Variants in DCUN1D4 observed in about 807,000 individuals in gnomAD.
DCUN1D4 encodes DCN1-like protein 4.
In DCUN1D4, 22 loss-of-function variants were observed where a neutral mutation model predicts 47.9. The ratio of observed to expected loss-of-function variants is 0.46; its 90% CI spans 0.33 to 0.66. The LOEUF is 0.66. Among genes scored for constraint, DCUN1D4 ranks in the 30% least tolerant of loss-of-function variants. The pLI is 0.02. For missense variants in DCUN1D4, 301 were observed against 340.8 expected (o/e 0.88, Z 0.92); for synonymous variants, 121 against 112.2 (o/e 1.08, Z -0.50).
At chr4:51,871,287 A>T (rs1469554068) in intron 3 of DCUN1D4, among the ~76,000 whole-genome samples, 2 of 152,244 alleles carry the variant, frequency 1.3e-5, no homozygotes, top group Non-Finnish European at 2.9e-5. Flanking sequence ...GCATTTATCA[A>T]TAAGAAAGAA....
Position 51,899,467 on chromosome 4 carries a change from CA to C in DCUN1D4, c.615+96del, listed in dbSNP as rs1368203254. On this transcript the variant is annotated intron_variant, in intron 8 of 10. Transcript: ENST00000334635. ...TGAGGTTAGTTTTTACATGCCACAG[CA>C]AAAAAACTTGAATAAGTTAACTCCC... 6 of 1,482,070 alleles carry C rather than the reference CA, an allele frequency of 4.0e-6. No homozygotes were observed. The Admixed American group carries it at 1.6e-4, about 38-fold the overall frequency. 91.8% of individuals were successfully genotyped at this position (1,482,070 alleles called of 1,614,324 possible).
chr4:51,911,620 A>T (rs1354835022), intron 9 of DCUN1D4, among the ~76,000 whole-genome samples: 2 of 152,218 alleles, frequency 1.3e-5, no homozygotes, highest in Non-Finnish European at 2.9e-5. Context: ...GTCACCAAGT[A>T]ACTTGAGGAC....
At chr4:51,848,451 C>T (rs578113378) in intron 1 of DCUN1D4, 1 of 945,472 alleles carries the variant, frequency 1.1e-6, no homozygotes, top group Non-Finnish European at 1.3e-6. Flanking sequence ...GGATTTATTT[C>T]TTAAGTTAAC....
At chr4:51,870,948 C>A (rs985569530) in intron 3 of DCUN1D4, among the ~76,000 whole-genome samples, 1 of 151,778 alleles carries the variant, frequency 6.6e-6, no homozygotes, top group Non-Finnish European at 1.5e-5. Context: ...GGTCCTAAGT[C>A]AATTCCCTTC....
At chr4:51,839,474 G>A (rs920800777), upstream of DCUN1D4, among the ~76,000 whole-genome samples, 1 of 152,170 alleles carries the variant, frequency 6.6e-6, no homozygotes, top group African/African-American at 2.4e-5. Context: ...TTAGAGTAGT[G>A]CCCGTCACAT....
At chr4:51,905,979 G>C (rs1732831935) in intron 8 of DCUN1D4, among the ~76,000 whole-genome samples, 1 of 152,126 alleles carries the variant, frequency 6.6e-6, no homozygotes, top group African/African-American at 2.4e-5. Context: ...CTGCTAGAGA[G>C]GGAGAGAAAG....
chr4:51,910,583 T>C (rs556120714), intron 8 of DCUN1D4, among the ~76,000 whole-genome samples: 1 of 152,310 alleles, frequency 6.6e-6, no homozygotes, highest in East Asian at 1.9e-4. Context: ...CCAGCATGTT[T>C]AGGTTCAAGA....
intron 9 of DCUN1D4, 33 bp from the exon 10 acceptor site, chr4:51,913,257 G>C: frequency 7.5e-7 from 1 of 1,331,898 alleles, no homozygotes; most frequent in Non-Finnish European, 1.1e-6. Context: ...CATTTTAAGT[G>C]TCAGTAATTC....
At chr4:51,890,523 A>G (rs1361151198) in intron 6 of DCUN1D4, among the ~76,000 whole-genome samples, 1 of 152,144 alleles carries the variant, frequency 6.6e-6, no homozygotes, top group African/African-American at 2.4e-5. Context: ...CCTGATCCCT[A>G]ATTTAGGAGT....
chr4:51,848,906 C>G (rs1184035253), intron 1 of DCUN1D4, among the ~76,000 whole-genome samples: 2 of 152,208 alleles, frequency 1.3e-5, no homozygotes, highest in East Asian at 3.9e-4. Flanking sequence ...CTTCAAATAG[C>G]ATTACCTGTG....
At chr4:51,911,755 G>T (rs778593243) in intron 9 of DCUN1D4, among the ~76,000 whole-genome samples, 3 of 152,122 alleles carry the variant, frequency 2.0e-5, no homozygotes, top group Non-Finnish European at 2.9e-5. Context: ...AAGTATTGAT[G>T]ATCAGAAATT....
At chr4:51,913,125 A>G (rs1179921338) in intron 9 of DCUN1D4, among the ~76,000 whole-genome samples, 165 bp from the exon 10 acceptor site, 7 of 152,042 alleles carry the variant, frequency 4.6e-5, no homozygotes, top group Non-Finnish European at 1.0e-4. Context: ...CTTAAATTCT[A>G]CTCTTGCTCT....
chr4:51,857,624 C>T (rs1560459647), intron 1 of DCUN1D4, among the ~76,000 whole-genome samples: 1 of 152,200 alleles, frequency 6.6e-6, no homozygotes, highest in Non-Finnish European at 1.5e-5. Context: ...AGAATTGATG[C>T]TGCTGGAATG....
chr4:51,900,593 A>G (rs1731957903), intron 8 of DCUN1D4, among the ~76,000 whole-genome samples: 1 of 152,140 alleles, frequency 6.6e-6, no homozygotes, highest in African/African-American at 2.4e-5. Flanking sequence ...TTTAAAAATT[A>G]GCCAGATATG....
intron 1 of DCUN1D4, among the ~76,000 whole-genome samples, chr4:51,859,999 A>T (rs1414466629): frequency 2.0e-5 from 3 of 152,190 alleles, no homozygotes; most frequent in Non-Finnish European, 4.4e-5. Context: ...GGCCTTAAGG[A>T]GGTGAAATCT....
intron 1 of DCUN1D4, among the ~76,000 whole-genome samples, chr4:51,855,401 T>C (rs1258170940): frequency 6.6e-6 from 1 of 152,212 alleles, no homozygotes; most frequent in African/African-American, 2.4e-5. Flanking sequence ...AAGCTTTTAA[T>C]ATCAGGAAGT....
intron 5 of DCUN1D4, 125 bp from the exon 6 acceptor site, chr4:51,886,443 G>T: frequency 5.5e-6 from 4 of 723,008 alleles, no homozygotes; most frequent in Non-Finnish European, 8.7e-6. Flanking sequence ...ACTTAGACTT[G>T]ATTTTTTTTT....
At chr4:51,855,858 G>A (rs1196861072) in intron 1 of DCUN1D4, among the ~76,000 whole-genome samples, 4 of 152,180 alleles carry the variant, frequency 2.6e-5, no homozygotes, top group Non-Finnish European at 2.9e-5. Flanking sequence ...GGAAAAGAGG[G>A]CATGTGTTTC....
At chr4:51,873,816 A>C (rs1577932217) in intron 3 of DCUN1D4, among the ~76,000 whole-genome samples, 1 of 152,084 alleles carries the variant, frequency 6.6e-6, no homozygotes, top group African/African-American at 2.4e-5. Context: ...TGTTTTTTTT[A>C]AATCAGATAT....
Sources: allele counts gnomAD v4.1 joint callset (sites outside exome capture counted in the v4.1 genomes callset), GRCh38; gene constraint gnomAD v4.1.1; transcripts MANE v1.5; gene names NCBI Gene and HGNC (gene_info 2026-07-23, HGNC 2026-07-21).